The following GPHN variants were observed in gnomAD, a reference collection of about 807,000 sequenced individuals.
GPHN encodes the protein gephyrin.
Under a neutral mutation model 95.5 loss-of-function variants are expected in GPHN, and 17 were observed. The observed-to-expected ratio is 0.18, with a 90% CI of 0.12 to 0.27. The LOEUF (loss-of-function observed/expected upper bound fraction) is 0.27. Among genes scored for constraint, GPHN ranks in the 10% least tolerant of loss-of-function variants. The pLI is 1.00. For missense variants in GPHN, 660 were observed against 978.1 expected (o/e 0.67, Z 4.34); for synonymous variants, 320 against 322.5 (o/e 0.99, Z 0.08).
chr14:66,559,041 T>C (rs1213874624), intron 1 of GPHN, among the ~76,000 whole-genome samples: 1 of 152,110 alleles, frequency 6.6e-6, no homozygotes, highest in Non-Finnish European at 1.5e-5. Flanking sequence ...TCCAATTTCA[T>C]CCATGTCCCT....
chr14:67,405,334 A>G, the GPHN span, among the ~76,000 whole-genome samples: 1 of 152,280 alleles, frequency 6.6e-6, no homozygotes, highest in African/African-American at 2.4e-5. Flanking sequence ...TCATGAAAAA[A>G]TGAATTTAAA....
intron 9 of GPHN, among the ~76,000 whole-genome samples, chr14:66,992,272 A>G (rs949569665): frequency 2.0e-5 from 3 of 152,166 alleles, no homozygotes; most frequent in Non-Finnish European, 2.9e-5. Flanking sequence ...ACTGGCATAT[A>G]AGTGAAACTA....
At chr14:66,567,601 T>C (rs2060514446) in intron 1 of GPHN, among the ~76,000 whole-genome samples, 1 of 152,216 alleles carries the variant, frequency 6.6e-6, no homozygotes, top group Non-Finnish European at 1.5e-5. Flanking sequence ...GGTTTATTTG[T>C]GAATTATTTC....
chr14:67,435,510 T>A, the GPHN span, among the ~76,000 whole-genome samples: 1 of 152,242 alleles, frequency 6.6e-6, no homozygotes, highest in Non-Finnish European at 1.5e-5. Context: ...CACAGGGCAG[T>A]GGCCACAACA....
chr14:66,931,723 G>A (rs1039513331), intron 8 of GPHN, among the ~76,000 whole-genome samples: 8 of 152,072 alleles, frequency 5.3e-5, no homozygotes, highest in African/African-American at 1.7e-4. Context: ...AATTATTTCA[G>A]TCTCTTAGTT....
At chr14:67,174,844 T>G (rs2082829287) in intron 21 of GPHN, among the ~76,000 whole-genome samples, 1 of 152,232 alleles carries the variant, frequency 6.6e-6, no homozygotes, top group Admixed American at 6.5e-5. Flanking sequence ...TGGTGAGCAT[T>G]TTTTCATATG....
the GPHN span, among the ~76,000 whole-genome samples, chr14:67,546,924 A>G: frequency 6.6e-6 from 1 of 152,168 alleles, no homozygotes; most frequent in South Asian, 2.1e-4. Flanking sequence ...TTCATAATAA[A>G]TGTTTTAGAG....
chr14:67,184,253 A>G (rs1183385457), downstream of GPHN, among the ~76,000 whole-genome samples: 3 of 152,240 alleles, frequency 2.0e-5, no homozygotes, highest in Non-Finnish European at 2.9e-5. Context: ...AAGTTCTTAA[A>G]TACCAAATTA....
intron 17 of GPHN, among the ~76,000 whole-genome samples, chr14:67,126,510 G>A (rs1323438828): frequency 2.6e-5 from 4 of 152,212 alleles, no homozygotes; most frequent in Non-Finnish European, 5.9e-5. Flanking sequence ...AAGTAGAGAA[G>A]TAGAAACAAA....
intron 5 of GPHN, among the ~76,000 whole-genome samples, chr14:66,894,496 G>GC (rs1346851403): frequency 1.3e-4 from 20 of 152,182 alleles, no homozygotes; most frequent in African/African-American, 4.1e-4. Context: ...GGCAACATAA[G>GC]CAAAATTGAC....
chr14:67,687,620 C>G, the GPHN span, among the ~76,000 whole-genome samples: 31 of 151,856 alleles, frequency 2.0e-4, no homozygotes, highest in Admixed American at 3.3e-4. Flanking sequence ...TACAGGCACA[C>G]GCCAACATGC....
the GPHN span, among the ~76,000 whole-genome samples, chr14:67,601,388 T>C: frequency 6.6e-6 from 1 of 152,170 alleles, no homozygotes. Flanking sequence ...GAGGGTCTTG[T>C]AGGGTCTGGT....
the GPHN span, among the ~76,000 whole-genome samples, chr14:67,527,836 A>T: frequency 6.6e-6 from 1 of 152,326 alleles, no homozygotes; most frequent in East Asian, 1.9e-4. Flanking sequence ...GCTGAGCAAG[A>T]ACTCACTCAC....
chr14:66,864,456 A>G (rs763325606), intron 4 of GPHN, among the ~76,000 whole-genome samples: 2 of 152,138 alleles, frequency 1.3e-5, no homozygotes, highest in Non-Finnish European at 2.9e-5. Context: ...CAGCATTCCC[A>G]CTGCTGGTTA....
chr14:66,942,292 G>A (rs868358792), intron 8 of GPHN, among the ~76,000 whole-genome samples: 3 of 152,216 alleles, frequency 2.0e-5, no homozygotes, highest in Non-Finnish European at 2.9e-5. Flanking sequence ...GATTACAGGC[G>A]TGAGCCACCA....
chr14:66,998,886 A>ATAT (rs201002825), intron 9 of GPHN, among the ~76,000 whole-genome samples: 3,703 of 138,926 alleles, frequency 0.027, 67 homozygotes, highest in African/African-American at 0.048. Context: ...GTAAAAAAAA[A>ATAT]AAATATATAT....
At chr14:67,691,091 A>G in the GPHN span, 48 of 1,272,858 alleles carry the variant, frequency 3.8e-5, no homozygotes, top group Non-Finnish European at 5.5e-5. Context: ...AAGTTTCCCA[A>G]AGAGAATTTT....
intron 11 of GPHN, among the ~76,000 whole-genome samples, chr14:67,073,072 T>C (rs2076370039): frequency 3.3e-5 from 5 of 152,112 alleles, no homozygotes; most frequent in Admixed American, 3.3e-4. Context: ...AAACTTTGTT[T>C]TTTTAATTAA....
chr14:67,359,715 C>A, the GPHN span: 2 of 1,613,972 alleles, frequency 1.2e-6, 1 homozygote. Context: ...GATAACTTTT[C>A]GGCTCGGGTC....
Sources: allele counts gnomAD v4.1 joint callset (sites outside exome capture counted in the v4.1 genomes callset), GRCh38; gene constraint gnomAD v4.1.1; transcripts MANE v1.5; gene names NCBI Gene and HGNC (gene_info 2026-07-23, HGNC 2026-07-21).